STK32B: variants seen among roughly 807,000 people sequenced by gnomAD.
STK32B encodes serine/threonine kinase 32B.
In STK32B, 43 loss-of-function variants were observed where a neutral mutation model predicts 52.6. The observed-to-expected ratio is 0.82, with a 90% CI of 0.64 to 1.05. The LOEUF is 1.05. Among genes scored for constraint, STK32B ranks in the 50% least tolerant of loss-of-function variants. The pLI, the probability that STK32B is intolerant of heterozygous loss-of-function variation, is 0.00. For synonymous variants in STK32B, 238 were observed against 204.3 expected, an observed-to-expected ratio of 1.17 and a Z score of -1.41; for missense variants, 621 against 534.6, an observed-to-expected ratio of 1.16 and a Z score of -1.59.
chr4:5,080,674 G>A (rs972394734), intron 1 of STK32B, among the ~76,000 whole-genome samples: 1 of 152,024 alleles, frequency 6.6e-6, no homozygotes, highest in Non-Finnish European at 1.5e-5. Flanking sequence ...AATAAAAATT[G>A]TACATATTTA....
At chr4:5,064,468 A>G (rs1433630375) in intron 1 of STK32B, among the ~76,000 whole-genome samples, 1 of 84,344 alleles carries the variant, frequency 1.2e-5, no homozygotes, top group Admixed American at 1.5e-4. Context: ...TATACATATA[A>G]TATATAAATA....
At chr4:5,070,427 C>G (rs1056781143) in intron 1 of STK32B, among the ~76,000 whole-genome samples, 21 of 152,184 alleles carry the variant, frequency 1.4e-4, no homozygotes, top group African/African-American at 4.8e-4. Flanking sequence ...GATAGTGAGC[C>G]CCCGTCCTTT....
At chr4:5,167,941 A>G (rs1253303317) in intron 2 of STK32B, among the ~76,000 whole-genome samples, 1 of 152,224 alleles carries the variant, frequency 6.6e-6, no homozygotes, top group Non-Finnish European at 1.5e-5. Context: ...CGTGCACGCC[A>G]CACATCTCAG....
chr4:5,126,336 C>T (rs576267551), intron 1 of STK32B, among the ~76,000 whole-genome samples: 1 of 152,294 alleles, frequency 6.6e-6, no homozygotes, highest in South Asian at 2.1e-4. Flanking sequence ...ACCTCCTTGT[C>T]GGTAATACTA....
rs538587976 is a variant in STK32B, at chr4:5,237,745, C to G, written c.260+69295C>G. Among the ~76,000 whole-genome samples, 3 of 152,166 alleles carry G rather than the reference C, an allele frequency of 2.0e-5. No homozygotes were observed. In the East Asian group the frequency reaches 5.8e-4, roughly 29 times the overall value. ...ACACCATGACAAAGCAGCCTCCCCC[C>G]ATCATGGCCACCTCTACCTGGCGCA... is the stretch of plus-strand genomic sequence containing the variant. On this transcript the variant is annotated intron_variant, in intron 3 of 11. Coordinates refer to ENST00000282908, the MANE Select transcript of STK32B (RefSeq NM_018401.3).
At chr4:5,493,866 A>C (rs1490722362) in intron 11 of STK32B, among the ~76,000 whole-genome samples, 2 of 152,266 alleles carry the variant, frequency 1.3e-5, no homozygotes, top group Admixed American at 6.5e-5. Flanking sequence ...CAGGTTGTTC[A>C]GTTTCCATGT....
intron 3 of STK32B, among the ~76,000 whole-genome samples, chr4:5,217,102 G>T (rs1007742074): frequency 6.6e-6 from 1 of 152,204 alleles, no homozygotes; most frequent in African/African-American, 2.4e-5. Flanking sequence ...GACTGCCAAT[G>T]CTCAGCTTCC....
intron 3 of STK32B, among the ~76,000 whole-genome samples, chr4:5,186,637 A>G (rs1449664249): frequency 6.6e-6 from 1 of 152,178 alleles, no homozygotes; most frequent in Non-Finnish European, 1.5e-5. Context: ...ATCCTGGTCC[A>G]TCCCCAACAC....
chr4:5,466,423 C>T (rs1375032176), intron 9 of STK32B, among the ~76,000 whole-genome samples: 1 of 152,058 alleles, frequency 6.6e-6, no homozygotes, highest in Non-Finnish European at 1.5e-5. Flanking sequence ...CTGAACTCAG[C>T]CTAGTATGAA....
At chr4:5,260,369 C>T (rs10000877) in intron 3 of STK32B, among the ~76,000 whole-genome samples, 18,417 of 152,092 alleles carry the variant, frequency 0.12, 3,063 homozygotes, top group African/African-American at 0.38. Flanking sequence ...TGAGATGGGG[C>T]CAGAAGGAGC....
intron 3 of STK32B, among the ~76,000 whole-genome samples, chr4:5,295,570 T>C (rs999372134): frequency 2.0e-5 from 3 of 152,212 alleles, no homozygotes; most frequent in Non-Finnish European, 2.9e-5. Flanking sequence ...TAGAGGTGTT[T>C]ATAGTATTCT....
At chr4:5,165,308 A>G (rs549780019) in intron 2 of STK32B, among the ~76,000 whole-genome samples, 2 of 152,122 alleles carry the variant, frequency 1.3e-5, no homozygotes, top group African/African-American at 4.8e-5. Context: ...TGAAAAGTCA[A>G]ACTTCCAAGC....
chr4:5,489,565 T>C (rs575845189), intron 11 of STK32B, among the ~76,000 whole-genome samples: 5 of 152,282 alleles, frequency 3.3e-5, no homozygotes. Flanking sequence ...ATGTAGACAA[T>C]TATGAAGACA....
chr4:5,238,788 A>C (rs79288616), intron 3 of STK32B, among the ~76,000 whole-genome samples: 1,827 of 152,246 alleles, frequency 0.012, 32 homozygotes, highest in African/African-American at 0.042. Context: ...TTGTGTTCTC[A>C]GAGTCCACTG....
intron 3 of STK32B, among the ~76,000 whole-genome samples, chr4:5,197,953 C>A (rs1011615338): frequency 6.6e-6 from 1 of 151,634 alleles, no homozygotes; most frequent in African/African-American, 2.4e-5. Context: ...TTTTTTTTTC[C>A]AGCAAATAAT....
At chr4:5,078,596 T>C (rs1712222610) in intron 1 of STK32B, among the ~76,000 whole-genome samples, 1 of 152,174 alleles carries the variant, frequency 6.6e-6, no homozygotes, top group Admixed American at 6.5e-5. Flanking sequence ...CTGTCTGGCA[T>C]CTCCTGGTGG....
At chr4:5,218,845 T>C (rs1259394751) in intron 3 of STK32B, among the ~76,000 whole-genome samples, 1 of 152,188 alleles carries the variant, frequency 6.6e-6, no homozygotes, top group Non-Finnish European at 1.5e-5. Context: ...GGCTTCTGGC[T>C]CTCCCGGCCG....
At chr4:5,041,307 G>A in the STK32B span, among the ~76,000 whole-genome samples, 1 of 151,302 alleles carries the variant, frequency 6.6e-6, no homozygotes, top group Non-Finnish European at 1.5e-5. Flanking sequence ...TGTTCATGAC[G>A]ACTCCCTTAA....
intron 2 of STK32B, among the ~76,000 whole-genome samples, chr4:5,156,478 T>G (rs1486531021): frequency 1.3e-5 from 2 of 152,132 alleles, no homozygotes; most frequent in Admixed American, 1.3e-4. Flanking sequence ...GCCCCTACTC[T>G]TCACTCTCCA....
Sources: gnomAD v4.1 joint callset for allele counts (sites outside exome capture counted in the v4.1 genomes callset) on GRCh38, gnomAD v4.1.1 for gene constraint, MANE v1.5 for transcripts, NCBI Gene and HGNC (gene_info 2026-07-23, HGNC 2026-07-21) for gene names.